The following NID1 variants were observed in gnomAD, a reference collection of about 807,000 sequenced individuals.
The protein encoded by NID1 is nidogen-1.
NID1 carries 76 observed loss-of-function variants against 130.6 expected under a neutral mutation model. That is an observed-to-expected ratio of 0.58 (90% CI 0.48 to 0.70). The LOEUF is 0.70. Among genes scored for constraint, NID1 ranks in the 30% least tolerant of loss-of-function variants. The pLI is 0.00. For synonymous variants in NID1, 665 were observed against 675.1 expected, an observed-to-expected ratio of 0.98 and a Z score of 0.23; for missense variants, 1,517 against 1,664.8, an observed-to-expected ratio of 0.91 and a Z score of 1.54.
At chr1:236,019,472 A>G (rs1658693395) in intron 9 of NID1, among the ~76,000 whole-genome samples, 5 of 152,310 alleles carry the variant, frequency 3.3e-5, no homozygotes, top group African/African-American at 1.2e-4. Flanking sequence ...CCCTGGGAAC[A>G]TTTACGCAAG....
chr1:235,985,425 C>T lies in NID1; in HGVS notation c.3009G>A (p.Gly1003=). 1 of 1,614,094 alleles carries T rather than the reference C, an allele frequency of 6.2e-7. No homozygotes were observed. The highest frequency in any genetic ancestry group is 1.6e-4 in the Middle Eastern group (1 of 6,062). ...GCTCTCCACCATGTAGACTAGCTCT[C>T]CCAATGGAAGGCTCAGTGATGTCCG... ...YWTDITEPSI[G]RASLHGGEPT... Residue 1003 remains glycine, a synonymous_variant, in exon 15 of 20, where the codon GGG becomes GGA. Coordinates refer to ENST00000264187, the MANE Select transcript of NID1 (RefSeq NM_002508.3).
At chr1:235,991,729 C>T (rs1657747363) in intron 13 of NID1, among the ~76,000 whole-genome samples, 1 of 152,168 alleles carries the variant, frequency 6.6e-6, no homozygotes, top group South Asian at 2.1e-4. Context: ...CCAGCAGCAC[C>T]AGCGGTAGCA....
intron 8 of NID1, 62 bp downstream of exon 8, chr1:236,025,834 C>G: frequency 1.3e-6 from 2 of 1,577,600 alleles, no homozygotes; most frequent in Admixed American, 1.8e-5. Flanking sequence ...AAAACAATGT[C>G]AAAGAGTGGG....
Position 235,985,247 on chromosome 1 carries a change from G to A in NID1, c.3055+132C>T, listed in dbSNP as rs536685648. 2.2e-4 allele frequency: 201 copies of A among 893,608 alleles called. 1 individual carries two copies. In the African/African-American group the frequency reaches 2.9e-3, roughly 13 times the overall value. 55.4% of individuals were successfully genotyped at this position (893,608 alleles called of 1,614,324 possible). On this transcript the variant is annotated intron_variant, in intron 15 of 19. Coordinates refer to ENST00000264187, the MANE Select transcript of NID1 (RefSeq NM_002508.3). Reference sequence around the variant, plus strand: ...GTGCCTAAACTTTACACACTTTATCGTAGTAATGCAACAAAAGACTGAGAA... The same window carrying A: ...GTGCCTAAACTTTACACACTTTATCATAGTAATGCAACAAAAGACTGAGAA...
intron 1 of NID1, among the ~76,000 whole-genome samples, chr1:236,062,486 T>C (rs56844075): frequency 0.04 from 6,069 of 151,794 alleles, 405 homozygotes; most frequent in African/African-American, 0.14. Context: ...AATACAAAAT[T>C]AGCCAGGCAT....
chr1:236,055,020 C>T (rs776458745), intron 1 of NID1, among the ~76,000 whole-genome samples: 5 of 151,888 alleles, frequency 3.3e-5, no homozygotes, highest in Admixed American at 1.3e-4. Flanking sequence ...AAAAATAATT[C>T]AGGGCCGCGT....
intron 9 of NID1, among the ~76,000 whole-genome samples, chr1:236,018,173 G>A (rs898292487): frequency 5.3e-5 from 8 of 152,176 alleles, no homozygotes; most frequent in African/African-American, 1.7e-4. Flanking sequence ...GTAACGTGGA[G>A]CAAACAAACA....
intron 12 of NID1, among the ~76,000 whole-genome samples, chr1:235,994,876 T>C (rs773484336): frequency 1.3e-5 from 2 of 152,320 alleles, no homozygotes; most frequent in Middle Eastern, 3.4e-3. Flanking sequence ...TTTATATTTT[T>C]AGTAGAGACG....
intron 9 of NID1, among the ~76,000 whole-genome samples, chr1:236,021,778 C>T (rs938446758): frequency 1.3e-5 from 2 of 152,184 alleles, no homozygotes; most frequent in African/African-American, 4.8e-5. Context: ...CAGCACTGCT[C>T]GAAGCACTTG....
intron 9 of NID1, among the ~76,000 whole-genome samples, chr1:236,019,550 ATTG>A (rs1185193670): frequency 6.6e-6 from 1 of 152,110 alleles, no homozygotes; most frequent in Non-Finnish European, 1.5e-5. Flanking sequence ...CTGAAAAGCT[ATTG>A]ACAAATAGGA....
chr1:236,034,926 G>C (rs1659207041), intron 5 of NID1, among the ~76,000 whole-genome samples: 1 of 150,756 alleles, frequency 6.6e-6, no homozygotes, highest in Non-Finnish European at 1.5e-5. Flanking sequence ...TCATCACAGG[G>C]TCAGGACTTT....
intron 6 of NID1, among the ~76,000 whole-genome samples, chr1:236,030,932 A>G (rs1218219832): frequency 6.6e-6 from 1 of 152,196 alleles, no homozygotes; most frequent in Non-Finnish European, 1.5e-5. Flanking sequence ...CTGTGCAGGG[A>G]AGGAGTGGGG....
chr1:235,991,696 G>A (rs762439423), intron 13 of NID1, among the ~76,000 whole-genome samples: 2 of 152,074 alleles, frequency 1.3e-5, no homozygotes, highest in Non-Finnish European at 2.9e-5. Flanking sequence ...GGTGCTAGAG[G>A]AAGGAACCAA....
intron 12 of NID1, among the ~76,000 whole-genome samples, chr1:236,000,097 C>A (rs1219665174): frequency 6.6e-6 from 1 of 152,076 alleles, no homozygotes; most frequent in African/African-American, 2.4e-5. Flanking sequence ...GCCTGTAATC[C>A]TAGCTATTTG....
intron 15 of NID1, among the ~76,000 whole-genome samples, chr1:235,983,424 G>A (rs1055314972): frequency 2.0e-5 from 3 of 152,292 alleles, no homozygotes; most frequent in Non-Finnish European, 4.4e-5. Flanking sequence ...GATGAACAGG[G>A]ACAGTGAGAC....
At chr1:236,021,018 G>A (rs574120192) in intron 9 of NID1, among the ~76,000 whole-genome samples, 2 of 152,310 alleles carry the variant, frequency 1.3e-5, no homozygotes, top group East Asian at 1.9e-4. Context: ...AATTAGCCAC[G>A]AGGTCACAGT....
At position 236,056,360 on chromosome 1, in the gene NID1, T is replaced by C. The variant is rs76002351; in HGVS notation, c.226-7371A>G. 5.9e-4 allele frequency among the ~76,000 whole-genome samples: 90 copies of C among 152,310 alleles called. No individual in the cohort carries two copies. In the East Asian group the frequency reaches 0.016, roughly 27 times the overall value. ...TTATTTTATTTGTATTGATGCATCA[T>C]ATTTGTACATATTTATGGGGTACAC... On this transcript the variant is annotated intron_variant, in intron 1 of 19. Coordinates refer to ENST00000264187, the MANE Select transcript of NID1 (RefSeq NM_002508.3).
chr1:235,986,847 C>G (rs1451368893), intron 14 of NID1, among the ~76,000 whole-genome samples: 1 of 152,214 alleles, frequency 6.6e-6, no homozygotes, highest in Admixed American at 6.5e-5. Context: ...TCCTTCACGG[C>G]ATCCCATGCC....
intron 12 of NID1, among the ~76,000 whole-genome samples, chr1:236,007,088 A>G (rs1419656942): frequency 6.6e-6 from 1 of 152,194 alleles, no homozygotes; most frequent in Non-Finnish European, 1.5e-5. Context: ...CAGGGGCACG[A>G]TCATAGCTCA....
Sources: allele counts gnomAD v4.1 joint callset (sites outside exome capture counted in the v4.1 genomes callset), GRCh38; gene constraint gnomAD v4.1.1; transcripts MANE v1.5; gene names NCBI Gene and HGNC (gene_info 2026-07-23, HGNC 2026-07-21).